The following EDA variants were observed in gnomAD, a reference collection of about 807,000 sequenced individuals.
EDA encodes the protein ectodysplasin A.
Under a neutral mutation model 23.6 loss-of-function variants are expected in EDA, and 2 were observed. That is an observed-to-expected ratio of 0.08 (90% CI 0.03 to 0.27). EDA has a LOEUF of 0.27. EDA is among the 10% of genes least tolerant of loss of function. The pLI is 1.00. For missense variants in EDA, 229 were observed against 324.2 expected, an observed-to-expected ratio of 0.71 and a Z score of 2.26; for synonymous variants, 131 against 132.0, an observed-to-expected ratio of 0.99 and a Z score of 0.05.
At chrX:69,860,416 G>T (rs1286875022) in intron 1 of EDA, among the ~76,000 whole-genome samples, 1 of 111,743 alleles carries the variant, frequency 8.9e-6, no homozygotes, top group Non-Finnish European at 1.9e-5. Context: ...TTGTAAGGCA[G>T]GTTTGGTGGT....
chrX:69,910,591 A>C (rs2147653679), intron 1 of EDA, among the ~76,000 whole-genome samples: 1 of 110,368 alleles, frequency 9.1e-6, no homozygotes, highest in South Asian at 3.9e-4. Context: ...TTTGAACCTT[A>C]GCTTTCATCT....
chrX:69,809,307 G>A (rs1216090061), intron 1 of EDA, among the ~76,000 whole-genome samples: 15 of 111,016 alleles, frequency 1.4e-4, no homozygotes, highest in South Asian at 3.9e-4. Context: ...ACTAACAATC[G>A]TGGCAGAAGG....
chrX:69,682,300 T>C (rs1934388168), intron 1 of EDA, among the ~76,000 whole-genome samples: 1 of 112,374 alleles, frequency 8.9e-6, no homozygotes, highest in Admixed American at 9.4e-5. Context: ...CCCCCAGAGG[T>C]GGAGCCTACA....
intron 1 of EDA, among the ~76,000 whole-genome samples, chrX:69,628,623 C>T (rs1233762688): frequency 9.0e-6 from 1 of 111,339 alleles, no homozygotes; most frequent in Admixed American, 9.6e-5. Context: ...TATCTTCATT[C>T]TTCCCCTTCC....
At chrX:69,932,666 A>T (rs980209633) in intron 1 of EDA, among the ~76,000 whole-genome samples, 7 of 111,174 alleles carry the variant, frequency 6.3e-5, no homozygotes, top group African/African-American at 2.3e-4. Context: ...ATACATGCAC[A>T]TAGTTTTTAA....
intron 1 of EDA, among the ~76,000 whole-genome samples, chrX:69,867,107 T>C (rs2017498507): frequency 8.9e-6 from 1 of 112,031 alleles, no homozygotes; most frequent in Non-Finnish European, 1.9e-5. Context: ...AGTGTTGGTC[T>C]CTGCTGCTGT....
chrX:70,012,773 C>T (rs2019894663), intron 2 of EDA, among the ~76,000 whole-genome samples: 1 of 112,264 alleles, frequency 8.9e-6, no homozygotes, highest in Admixed American at 9.4e-5. Context: ...AGACTGTTTT[C>T]CACGTGGATC....
chrX:69,811,242 C>T (rs897514284), intron 1 of EDA, among the ~76,000 whole-genome samples: 1 of 112,250 alleles, frequency 8.9e-6, no homozygotes, highest in African/African-American at 3.2e-5. Context: ...AGTAAAAGTC[C>T]TCTGCCTGAG....
At chrX:69,708,488 G>A (rs5936734) in intron 1 of EDA, among the ~76,000 whole-genome samples, 21,793 of 41,484 alleles carry the variant, frequency 0.53, 1,647 homozygotes, top group South Asian at 0.65. Context: ...ACACATGTAT[G>A]AGGAGCTGTG....
chrX:69,851,469 A>G (rs2017132381), intron 1 of EDA, among the ~76,000 whole-genome samples: 1 of 112,488 alleles, frequency 8.9e-6, no homozygotes, highest in Non-Finnish European at 1.9e-5. Flanking sequence ...TATGCCAACA[A>G]TGCTTTGGAT....
chrX:69,726,957 C>T (rs777193861), intron 1 of EDA, among the ~76,000 whole-genome samples: 1 of 112,107 alleles, frequency 8.9e-6, no homozygotes, highest in Admixed American at 9.4e-5. Context: ...AGTGGAGAGT[C>T]AGAATGGCAG....
chrX:69,798,433 C>A (rs1229428272), intron 1 of EDA, among the ~76,000 whole-genome samples: 1 of 111,317 alleles, frequency 9.0e-6, no homozygotes, highest in African/African-American at 3.3e-5. Context: ...CAAGTCTCAA[C>A]AAATTTTTAA....
chrX:69,721,211 A>G (rs2147343892), intron 1 of EDA, among the ~76,000 whole-genome samples: 1 of 111,666 alleles, frequency 9.0e-6, no homozygotes, highest in African/African-American at 3.3e-5. Context: ...TGGAAGAAGG[A>G]AGGGCATGGT....
intron 1 of EDA, among the ~76,000 whole-genome samples, chrX:69,684,490 G>T (rs1321353796): frequency 1.8e-5 from 2 of 111,834 alleles, no homozygotes; most frequent in Non-Finnish European, 3.8e-5. Context: ...AATGAGTATT[G>T]AGTGTTTAGA....
At chrX:69,698,231 T>G (rs1412879176) in intron 1 of EDA, among the ~76,000 whole-genome samples, 1 of 111,688 alleles carries the variant, frequency 9.0e-6, no homozygotes, top group African/African-American at 3.3e-5. Flanking sequence ...CCGAGGGTGT[T>G]GCCCACTGTT....
intron 1 of EDA, among the ~76,000 whole-genome samples, chrX:69,893,257 C>A (rs747581969): frequency 9.0e-6 from 1 of 111,329 alleles, no homozygotes; most frequent in Non-Finnish European, 1.9e-5. Flanking sequence ...TATAAGGACA[C>A]CTGTCTTTGG....
intron 1 of EDA, among the ~76,000 whole-genome samples, chrX:69,790,137 T>A (rs2147469551): frequency 9.0e-6 from 1 of 111,519 alleles, no homozygotes; most frequent in Non-Finnish European, 1.9e-5. Flanking sequence ...TGAATGAAAA[T>A]ATATAAAGGA....
chrX:69,953,882 C>G (rs919762053), intron 1 of EDA, among the ~76,000 whole-genome samples: 2 of 111,391 alleles, frequency 1.8e-5, no homozygotes, highest in African/African-American at 6.5e-5. Flanking sequence ...GTCTCAGGGT[C>G]AGGGGTACTG....
intron 1 of EDA, among the ~76,000 whole-genome samples, chrX:69,828,280 T>C (rs1052122068): frequency 1.8e-5 from 2 of 112,302 alleles, no homozygotes; most frequent in East Asian, 2.8e-4. Flanking sequence ...TGGGCAATGG[T>C]GGGCGCCCCT....
Sources: gnomAD v4.1 joint callset for allele counts (sites outside exome capture counted in the v4.1 genomes callset) on GRCh38, gnomAD v4.1.1 for gene constraint, MANE v1.5 for transcripts, NCBI Gene and HGNC (gene_info 2026-07-23, HGNC 2026-07-21) for gene names.